The following CHD1L variants were observed in gnomAD, a reference collection of about 807,000 sequenced individuals.
CHD1L encodes the protein chromodomain helicase DNA binding protein 1 like, also known as ATP-dependent chromatin remodeler CHD1L.
CHD1L carries 118 observed loss-of-function variants against 115.9 expected under a neutral mutation model. That is an observed-to-expected ratio of 1.02 (90% CI 0.88 to 1.19). CHD1L has a LOEUF of 1.19. Among genes scored for constraint, CHD1L ranks in the 50% most tolerant of loss-of-function variants. The pLI, the probability that CHD1L is intolerant of heterozygous loss-of-function variation, is 0.00. For missense variants in CHD1L, 1,179 were observed against 1,065.3 expected (o/e 1.11, Z -1.49); for synonymous variants, 411 against 387.1 (o/e 1.06, Z -0.72).
At chr1:147,293,751 A>G (rs1339090025) in intron 21 of CHD1L, 29 bp downstream of exon 21, 2 of 1,570,860 alleles carry the variant, frequency 1.3e-6, no homozygotes, top group African/African-American at 1.4e-5. Context: ...GCTCAAGAGT[A>G]GATGAATTTG....
chr1:147,272,325 A>G (rs1362623911), intron 12 of CHD1L, 44 bp downstream of exon 12: 7 of 1,300,536 alleles, frequency 5.4e-6, no homozygotes, highest in Non-Finnish European at 6.7e-6. Flanking sequence ...ATGAGGGATA[A>G]TAGAGTACTA....
chr1:147,180,384 C>T, the CHD1L span, among the ~76,000 whole-genome samples: 1 of 152,134 alleles, frequency 6.6e-6, no homozygotes, highest in African/African-American at 2.4e-5. Context: ...TTCCACCTCC[C>T]AGGTTCAAGC....
At chr1:147,191,535 GT>G in the CHD1L span, among the ~76,000 whole-genome samples, 31,540 of 151,880 alleles carry the variant, frequency 0.21, 3,532 homozygotes, top group Middle Eastern at 0.26. Context: ...GGGGTTGTTT[GT>G]TTTTTTCTTA....
chr1:147,234,436 TGAG>T, the CHD1L span, among the ~76,000 whole-genome samples: 1 of 152,196 alleles, frequency 6.6e-6, no homozygotes, highest in Non-Finnish European at 1.5e-5. Context: ...CTAAAAAAGA[TGAG>T]GAGATAAATC....
chr1:147,248,755 A>G (rs1667434274), intron 1 of CHD1L, among the ~76,000 whole-genome samples: 2 of 152,122 alleles, frequency 1.3e-5, no homozygotes, highest in Admixed American at 1.3e-4. Context: ...AAATGTACGT[A>G]TGTGTGTATA....
At chr1:147,180,215 A>T in the CHD1L span, among the ~76,000 whole-genome samples, 1 of 152,228 alleles carries the variant, frequency 6.6e-6, no homozygotes, top group African/African-American at 2.4e-5. Flanking sequence ...TATAGTCAGA[A>T]GATTCTTCAA....
chr1:147,222,938 T>C, the CHD1L span, among the ~76,000 whole-genome samples: 1 of 152,222 alleles, frequency 6.6e-6, no homozygotes, highest in African/African-American at 2.4e-5. Flanking sequence ...ACCACATGTG[T>C]GAGTCCCATC....
chr1:147,267,969 T>C (rs1327729064), intron 9 of CHD1L, among the ~76,000 whole-genome samples: 2 of 152,210 alleles, frequency 1.3e-5, no homozygotes, highest in African/African-American at 4.8e-5. Context: ...CTACTCCAGG[T>C]TCACTAATGA....
At chr1:147,286,731 G>A (rs1553966298) in intron 18 of CHD1L, among the ~76,000 whole-genome samples, 9 of 152,144 alleles carry the variant, frequency 5.9e-5, no homozygotes, top group Non-Finnish European at 2.9e-5. Context: ...TCCATATGAT[G>A]GGACAATATC....
the CHD1L span, among the ~76,000 whole-genome samples, chr1:147,181,058 T>C: frequency 3.1e-3 from 471 of 152,312 alleles, 1 homozygote; most frequent in Admixed American, 7.6e-3. Context: ...CTTAGAACCG[T>C]AATAATGCTT....
rs587611489 is a variant in CHD1L, at chr1:147,276,411, G to C, written c.1539+154G>C. Among the ~76,000 whole-genome samples, 13 of 152,268 alleles carry C rather than the reference G, an allele frequency of 8.5e-5. No homozygotes were observed. In the East Asian group the frequency reaches 1.9e-3, roughly 23 times the overall value. ...CTGCCACAGTGCTGGCTGTGTGCAG[G>C]GTCTGTAGGAAGTAAGGATTAGTTC... On this transcript the variant is annotated intron_variant, in intron 14 of 22. Coordinates refer to ENST00000369258, the MANE Select transcript of CHD1L (RefSeq NM_004284.6).
At chr1:147,289,674 T>C (rs1559898640) in intron 19 of CHD1L, among the ~76,000 whole-genome samples, 1 of 152,200 alleles carries the variant, frequency 6.6e-6, no homozygotes. Context: ...TGGGTTGAAT[T>C]TGAATAGGTG....
At chr1:147,220,181 T>C in the CHD1L span, among the ~76,000 whole-genome samples, 3 of 152,192 alleles carry the variant, frequency 2.0e-5, no homozygotes, top group Non-Finnish European at 4.4e-5. Flanking sequence ...GAATTTGAAA[T>C]TTTAAAAACT....
the CHD1L span, chr1:147,179,358 G>A: frequency 1.2e-6 from 2 of 1,601,552 alleles, no homozygotes; most frequent in East Asian, 2.2e-5. Flanking sequence ...TGGAGCCCAA[G>A]TATAAAGAAC....
chr1:147,287,241 A>G (rs1376645182), intron 18 of CHD1L, among the ~76,000 whole-genome samples: 2 of 152,204 alleles, frequency 1.3e-5, no homozygotes, highest in Non-Finnish European at 2.9e-5. Flanking sequence ...ACCAGCTTGA[A>G]TAAGTCACTT....
chr1:147,202,517 A>G, the CHD1L span, among the ~76,000 whole-genome samples: 2 of 151,868 alleles, frequency 1.3e-5, no homozygotes, highest in South Asian at 2.1e-4. Context: ...ACAGGGTTTC[A>G]CCATGTTGGC....
At chr1:147,247,183 A>G (rs1344651541) in intron 1 of CHD1L, among the ~76,000 whole-genome samples, 1 of 152,152 alleles carries the variant, frequency 6.6e-6, no homozygotes, top group Admixed American at 6.5e-5. Context: ...CAGAGAACAT[A>G]CTCTGTACAA....
Position 147,263,083 on chromosome 1 carries a change from ATACACT to A in CHD1L, c.577-1334_577-1329del, listed in dbSNP as rs587662019. On this transcript the variant is annotated intron_variant, in intron 6 of 22. Coordinates refer to ENST00000369258, the MANE Select transcript of CHD1L (RefSeq NM_004284.6). Reference sequence around the variant, plus strand: ...TATACATATGTATGTATGTGCATAGATACACTTACATACATACATATGTATATATAC... The same window carrying A: ...TATACATATGTATGTATGTGCATAGATACATACATACATATGTATATATAC... Among the ~76,000 whole-genome samples the A allele has an allele frequency of 5.4e-3, 815 of 152,278 alleles. 5 individuals are homozygous for A. Among genetic ancestry groups the A allele is most frequent in the Non-Finnish European group, 7.5e-3 (513 of 68,032 alleles).
intron 22 of CHD1L, among the ~76,000 whole-genome samples, chr1:147,294,791 G>A (rs1686942293): frequency 6.6e-6 from 1 of 152,116 alleles, no homozygotes; most frequent in Non-Finnish European, 1.5e-5. Flanking sequence ...TTGTTAATTT[G>A]GTAACATATT....
Sources: allele counts gnomAD v4.1 joint callset (sites outside exome capture counted in the v4.1 genomes callset), GRCh38; gene constraint gnomAD v4.1.1; transcripts MANE v1.5; gene names NCBI Gene and HGNC (gene_info 2026-07-23, HGNC 2026-07-21).